Variants in ECE1 observed in about 807,000 individuals in gnomAD.
ECE1 encodes endothelin-converting enzyme 1.
ECE1 carries 35 observed loss-of-function variants against 98.6 expected under a neutral mutation model. The observed-to-expected ratio is 0.35, with a 90% CI of 0.27 to 0.47. The LOEUF (loss-of-function observed/expected upper bound fraction) is 0.47. Ranked by LOEUF, ECE1 falls within the 20% of genes least tolerant of loss-of-function variation. ECE1 has a pLI of 1.00. For synonymous variants in ECE1, 394 were observed against 407.1 expected, an observed-to-expected ratio of 0.97 and a Z score of 0.39; for missense variants, 814 against 1,025.3, an observed-to-expected ratio of 0.79 and a Z score of 2.81.
chr1:21,256,147 C>T lies in ECE1; in HGVS notation c.829-9G>A, dbSNP rs749312117. On this transcript the variant is annotated splice_polypyrimidine_tract_variant and intron_variant, in intron 7 of 18. Transcript: ENST00000374893. ...AGATATCCGGTCAGCACCTGCAGGGCCCATACCCCAAACTGTCAGTGGCTG... is the reference window on the plus strand; with the variant it reads ...AGATATCCGGTCAGCACCTGCAGGGTCCATACCCCAAACTGTCAGTGGCTG... 9.4e-6 allele frequency: 15 copies of T among 1,593,868 alleles called. No individual in the cohort carries two copies. The South Asian group carries it at 1.4e-4, about 15-fold the overall frequency.
At chr1:21,238,617 T>C (rs2098191497) in intron 10 of ECE1, among the ~76,000 whole-genome samples, 1 of 152,158 alleles carries the variant, frequency 6.6e-6, no homozygotes, top group South Asian at 2.1e-4. Context: ...GAGACGTGCC[T>C]GACTCCACAT....
Position 21,345,373 on chromosome 1 carries a change from C to A in ECE1, c.3+3G>T. 1.5e-6 allele frequency: 2 copies of A among 1,347,300 alleles called. No individual in the cohort carries two copies. The highest frequency in any genetic ancestry group is 1.7e-5 in the South Asian group (1 of 57,898). The allele number at this position is 1,347,300 out of a possible 1,614,324, so 83.5% of individuals were successfully genotyped here. The stretch of plus-strand genomic sequence containing the variant: ...GGACCAGACCTCCGCGCGCAGCACT[C>A]ACCATAGCTCGCGTGCTCCGCCCCG... On this transcript the variant is annotated splice_donor_region_variant and intron_variant, in intron 1 of 18. Transcript: ENST00000415912. This position sits in a 1 kb window ranked among gnomAD's most constrained non-coding sequence, Gnocchi z 5.1.
In ECE1 at chr1:21,256,281, T is replaced by C. The variant is rs371032539; in HGVS notation, c.829-143A>G. On this transcript the variant is annotated intron_variant, in intron 7 of 18. Transcript: ENST00000374893. ...CCCCCAAGACACCCGTGGGGCCAGG[T>C]GTGGTGGCTCACGCCTGTAATCCTG... The C allele has an allele frequency of 1.1e-5, 10 of 948,170 alleles. No homozygotes were observed. In the East Asian group the frequency reaches 1.6e-4, roughly 15 times the overall value. The allele number at this position is 948,170 out of a possible 1,614,324, so 58.7% of individuals were successfully genotyped here. A position where few individuals can be genotyped will look rare whatever the true frequency, so the allele number is the denominator to read the frequency against.
chr1:21,273,689 G>C (rs1032830976), intron 3 of ECE1, among the ~76,000 whole-genome samples: 3 of 152,184 alleles, frequency 2.0e-5, no homozygotes, highest in Non-Finnish European at 4.4e-5. Context: ...TACGCCAGGT[G>C]CCGTGGCTCA....
intron 4 of ECE1, among the ~76,000 whole-genome samples, chr1:21,269,385 A>T (rs572290877): frequency 2.2e-4 from 34 of 152,348 alleles, no homozygotes; most frequent in African/African-American, 8.2e-4. Context: ...CCTTCCTGAC[A>T]ACTGGGTCCA....
rs749805355 is a variant in ECE1, at chr1:21,272,925, G to A, written c.281-14C>T. 3.1e-6 allele frequency: 5 copies of A among 1,613,834 alleles called. No individual in the cohort carries two copies. The highest frequency in any genetic ancestry group is 4.2e-6 in the Non-Finnish European group (5 of 1,179,876). Reference sequence around the variant, plus strand: ...CAGAGGGGGATCCTGGAAGGGTTAAGGACAAGAGGCCAGTGAAGGGCAGGC... The same window carrying A: ...CAGAGGGGGATCCTGGAAGGGTTAAAGACAAGAGGCCAGTGAAGGGCAGGC... On this transcript the variant is annotated splice_polypyrimidine_tract_variant and intron_variant, in intron 3 of 18. Transcript: ENST00000374893.
At position 21,225,460 on chromosome 1, in the gene ECE1, G is replaced by A. The variant is rs1553351936; in HGVS notation, c.1850-20C>T. The A allele has an allele frequency of 6.8e-6, 11 of 1,612,410 alleles. No homozygotes were observed. Among genetic ancestry groups the A allele is most frequent in the East Asian group, 4.5e-5 (2 of 44,792 alleles). The stretch of plus-strand genomic sequence containing the variant: ...CCCGTCCTGTGGGTCAGAGGGAGGC[G>A]TCATGTCAAGGGAGGGAGGGGCACA... On this transcript the variant is annotated intron_variant, in intron 16 of 18. Coordinates refer to ENST00000374893, the MANE Select transcript of ECE1 (RefSeq NM_001397.3). This position sits in a 1 kb window ranked among gnomAD's most constrained non-coding sequence, Gnocchi z 5.3.
At chr1:21,242,759 A>G (rs2098198096) in intron 10 of ECE1, among the ~76,000 whole-genome samples, 2 of 152,064 alleles carry the variant, frequency 1.3e-5, no homozygotes, top group African/African-American at 4.8e-5. Context: ...AGGGAAGCTC[A>G]CTCCATTACT....
chr1:21,271,395 G>T (rs181442030), intron 4 of ECE1, among the ~76,000 whole-genome samples: 59 of 152,314 alleles, frequency 3.9e-4, no homozygotes, highest in African/African-American at 1.3e-3. Flanking sequence ...TAAGATTCGT[G>T]TCCCTTTAAG....
At chr1:21,335,492 G>A (rs1287986633) in intron 1 of ECE1, among the ~76,000 whole-genome samples, 2 of 152,216 alleles carry the variant, frequency 1.3e-5, no homozygotes, top group African/African-American at 2.4e-5. Flanking sequence ...GCAGCCCTGA[G>A]AGGTGGATTG....
In ECE1 at chr1:21,276,026, CTTTT is replaced by C. The variant is rs532213567; in HGVS notation, c.281-3119_281-3116del. ...GCAACTAGCAGCTGTTTAATACGTG[CTTTT>C]TTTTTTTTTTTTTTTTTTTGAGACA... On this transcript the variant is annotated intron_variant, in intron 3 of 18. Coordinates refer to ENST00000374893, the MANE Select transcript of ECE1 (RefSeq NM_001397.3). Among the ~76,000 whole-genome samples the C allele has an allele frequency of 5.1e-3, 462 of 91,256 alleles. 2 individuals are homozygous for C. The highest frequency in any genetic ancestry group is 0.023 in the African/African-American group (440 of 19,524). The allele number at this position is 91,256 out of a possible 152,430, so 59.9% of individuals were successfully genotyped here. A position where few individuals can be genotyped will look rare whatever the true frequency, so the allele number is the denominator to read the frequency against.
At chr1:21,250,879 C>T (rs889130800) in intron 8 of ECE1, among the ~76,000 whole-genome samples, 2 of 152,280 alleles carry the variant, frequency 1.3e-5, no homozygotes, top group African/African-American at 2.4e-5. Flanking sequence ...TTATGGTGGA[C>T]GCCTGTAGTC....
intron 1 of ECE1, among the ~76,000 whole-genome samples, chr1:21,331,212 G>A (rs545054049): frequency 5.4e-4 from 82 of 152,190 alleles, no homozygotes; most frequent in Non-Finnish European, 1.0e-3. Context: ...AGACGACCCT[G>A]GCCAACATGG....
chr1:21,272,771 C>G lies in ECE1; in HGVS notation c.421G>C (p.Asp141His). 1 of 1,614,252 alleles carries G rather than the reference C, an allele frequency of 6.2e-7. No individual in the cohort carries two copies. The highest frequency in any genetic ancestry group is 8.5e-7 in the Non-Finnish European group (1 of 1,180,034). The change falls in exon 4 of 19, where the codon GAT becomes CAT. Residue 141 changes from aspartate (D) to histidine (H), a missense_variant. Asp to His is a moderately conservative substitution (Grantham distance 81). Coordinates refer to ENST00000374893, the MANE Select transcript of ECE1 (RefSeq NM_001397.3). ...GGWIKANPVP[D>H]GHSRWGTFSN... Reference sequence around the variant, plus strand: ...AAGGTCCCCCAGCGTGAGTGGCCATCAGGGACTGGGTTGGCCTTGATCCAG... The same window carrying G: ...AAGGTCCCCCAGCGTGAGTGGCCATGAGGGACTGGGTTGGCCTTGATCCAG...
At chr1:21,252,330 C>A (rs2103274008) in intron 8 of ECE1, among the ~76,000 whole-genome samples, 1 of 152,348 alleles carries the variant, frequency 6.6e-6, no homozygotes, top group Middle Eastern at 3.4e-3. Flanking sequence ...GCTCCATCTC[C>A]ATGGAGACGG....
At chr1:21,255,897 T>A in intron 8 of ECE1, 50 bp downstream of exon 8, 1 of 1,598,620 alleles carries the variant, frequency 6.3e-7, no homozygotes, top group Non-Finnish European at 8.6e-7. Context: ...GGGCCCTGTC[T>A]GAAACCTGGA....
chr1:21,251,597 C>T (rs1450512009), intron 8 of ECE1, among the ~76,000 whole-genome samples: 1 of 152,196 alleles, frequency 6.6e-6, no homozygotes, highest in Non-Finnish European at 1.5e-5. Context: ...TGGTAAAATA[C>T]CTGCGGAGCT....
At chr1:21,283,305 G>C (rs988535332) in intron 2 of ECE1, among the ~76,000 whole-genome samples, 1 of 140,446 alleles carries the variant, frequency 7.1e-6, no homozygotes, top group Admixed American at 7.0e-5. Context: ...GAGTCTCACT[G>C]TGTCGCCCAG....
chr1:21,237,642 GC>G (rs2098190057), intron 11 of ECE1, among the ~76,000 whole-genome samples: 1 of 152,302 alleles, frequency 6.6e-6, no homozygotes, highest in African/African-American at 2.4e-5. Context: ...TGGGAGGAAT[GC>G]CCCCGTCTCC....
Sources: gnomAD v4.1 joint callset for allele counts (sites outside exome capture counted in the v4.1 genomes callset) on GRCh38, gnomAD v4.1.1 for gene constraint, Gnocchi (gnomAD v3.1) non-coding constraint, MANE v1.5 for transcripts, NCBI Gene and HGNC (gene_info 2026-07-23, HGNC 2026-07-21) for gene names.